Variants in RAB38 observed in about 807,000 individuals in gnomAD.
RAB38 encodes the protein ras-related protein Rab-38.
RAB38 carries 15 observed loss-of-function variants against 18.4 expected under a neutral mutation model. That is an observed-to-expected ratio of 0.82 (90% CI 0.55 to 1.26). RAB38 has a LOEUF of 1.26. Ranked by LOEUF, RAB38 falls within the 50% of genes most tolerant of loss-of-function variation. The pLI, the probability that RAB38 is intolerant of heterozygous loss-of-function variation, is 0.00. For missense variants in RAB38, 294 were observed against 267.4 expected, an observed-to-expected ratio of 1.10 and a Z score of -0.69; for synonymous variants, 101 against 104.4, an observed-to-expected ratio of 0.97 and a Z score of 0.20.
the RAB38 span, among the ~76,000 whole-genome samples, chr11:87,946,605 T>A: frequency 1.3e-5 from 2 of 152,142 alleles, no homozygotes; most frequent in Non-Finnish European, 2.9e-5. Context: ...GTGTTCTCAT[T>A]GTTCAATTCC....
At chr11:87,910,132 G>C in the RAB38 span, among the ~76,000 whole-genome samples, 1 of 151,988 alleles carries the variant, frequency 6.6e-6, no homozygotes, top group Non-Finnish European at 1.5e-5. Flanking sequence ...TCTTACTATA[G>C]TTTCAATGTT....
the RAB38 span, among the ~76,000 whole-genome samples, chr11:88,095,699 T>A: frequency 6.6e-6 from 1 of 151,916 alleles, no homozygotes; most frequent in African/African-American, 2.4e-5. Flanking sequence ...TAGTATTATA[T>A]ATCATATGTC....
the RAB38 span, among the ~76,000 whole-genome samples, chr11:88,075,707 C>T: frequency 3.3e-5 from 5 of 151,792 alleles, no homozygotes; most frequent in Admixed American, 6.6e-5. Context: ...ATGGTTAAAC[C>T]CCAGCTCTAC....
At chr11:87,859,361 T>C in the RAB38 span, among the ~76,000 whole-genome samples, 1 of 151,864 alleles carries the variant, frequency 6.6e-6, no homozygotes, top group Non-Finnish European at 1.5e-5. Flanking sequence ...TGTAAAAAAA[T>C]GTATGCACTC....
At chr11:87,845,262 A>G in the RAB38 span, among the ~76,000 whole-genome samples, 1 of 152,180 alleles carries the variant, frequency 6.6e-6, no homozygotes, top group South Asian at 2.1e-4. Flanking sequence ...ACACAGATGG[A>G]ATAGGTCTTT....
chr11:88,013,063 G>C, the RAB38 span, among the ~76,000 whole-genome samples: 1 of 152,000 alleles, frequency 6.6e-6, no homozygotes, highest in Non-Finnish European at 1.5e-5. Context: ...TCATCCTTAT[G>C]GTTCTTTCCA....
the RAB38 span, among the ~76,000 whole-genome samples, chr11:87,889,536 T>C: frequency 6.6e-6 from 1 of 151,936 alleles, no homozygotes; most frequent in Non-Finnish European, 1.5e-5. Flanking sequence ...TAATGATAGT[T>C]ATAATTTTTG....
chr11:87,968,870 G>A, the RAB38 span, among the ~76,000 whole-genome samples: 45,026 of 152,012 alleles, frequency 0.3, 7,588 homozygotes, highest in Non-Finnish European at 0.38. Context: ...CATAGAGTGT[G>A]GAATAGTAAG....
the RAB38 span, among the ~76,000 whole-genome samples, chr11:87,933,436 T>C: frequency 6.6e-6 from 1 of 152,078 alleles, no homozygotes; most frequent in Non-Finnish European, 1.5e-5. Context: ...TTCTATCCTG[T>C]TTGACTCAGT....
chr11:88,073,256 C>A, the RAB38 span, among the ~76,000 whole-genome samples: 2 of 152,160 alleles, frequency 1.3e-5, no homozygotes, highest in Non-Finnish European at 2.9e-5. Flanking sequence ...TGCTCTGTAA[C>A]TCAGCCAAAG....
the RAB38 span, among the ~76,000 whole-genome samples, chr11:88,021,453 CAG>C: frequency 6.6e-6 from 1 of 151,988 alleles, no homozygotes; most frequent in Non-Finnish European, 1.5e-5. Flanking sequence ...AAAAGTCTTC[CAG>C]TAAAGGAAAG....
intron 2 of RAB38, among the ~76,000 whole-genome samples, chr11:88,141,843 T>C (rs1204733781): frequency 6.6e-6 from 1 of 152,232 alleles, no homozygotes; most frequent in African/African-American, 2.4e-5. Flanking sequence ...TTGGAAATTC[T>C]ACAGATTTTA....
At chr11:87,969,777 T>C in the RAB38 span, among the ~76,000 whole-genome samples, 1 of 152,142 alleles carries the variant, frequency 6.6e-6, no homozygotes, top group African/African-American at 2.4e-5. Context: ...TTAGTTAGCA[T>C]GGCCTAGCAA....
the RAB38 span, among the ~76,000 whole-genome samples, chr11:87,834,996 A>G: frequency 5.3e-5 from 8 of 152,340 alleles, 1 homozygote; most frequent in South Asian, 4.1e-4. Flanking sequence ...AGATCTGCCC[A>G]TTATGCAGTT....
the RAB38 span, among the ~76,000 whole-genome samples, chr11:87,967,765 G>A: frequency 6.6e-6 from 1 of 152,136 alleles, no homozygotes; most frequent in Non-Finnish European, 1.5e-5. Context: ...TAAAATGAGT[G>A]AGCTCATCTC....
the RAB38 span, among the ~76,000 whole-genome samples, chr11:87,843,636 T>C: frequency 6.6e-6 from 1 of 152,194 alleles, no homozygotes; most frequent in African/African-American, 2.4e-5. Context: ...ATGAGATAAT[T>C]TTGTATGTGT....
In RAB38 at chr11:88,159,827, T is replaced by C. The variant is rs947924676; in HGVS notation, c.203-9872A>G. Among the ~76,000 whole-genome samples, 12 of 151,966 alleles carry C rather than the reference T, an allele frequency of 7.9e-5. No homozygotes were observed. The East Asian group carries it at 2.3e-3, about 29-fold the overall frequency. On this transcript the variant is annotated intron_variant, in intron 1 of 2. Coordinates refer to ENST00000243662, the MANE Select transcript of RAB38 (RefSeq NM_022337.3). ...ACCTTTCACCATATAGAAACATTAA[T>C]TCAAGATGGAATGAAGATTTAAATG... is the stretch of plus-strand genomic sequence containing the variant.
chr11:88,055,231 TAGTG>T, the RAB38 span, among the ~76,000 whole-genome samples: 1 of 152,198 alleles, frequency 6.6e-6, no homozygotes, highest in East Asian at 1.9e-4. Context: ...ACAGGCAACA[TAGTG>T]AGATGCCCAT....
the RAB38 span, among the ~76,000 whole-genome samples, chr11:87,883,755 C>A: frequency 2.0e-5 from 3 of 151,864 alleles, no homozygotes; most frequent in African/African-American, 7.2e-5. Flanking sequence ...TGCATTGTTG[C>A]TGGCTTTGAA....
Sources: allele counts gnomAD v4.1 joint callset (sites outside exome capture counted in the v4.1 genomes callset), GRCh38; gene constraint gnomAD v4.1.1; transcripts MANE v1.5; gene names NCBI Gene and HGNC (gene_info 2026-07-23, HGNC 2026-07-21).